The following PABPN1 variants were observed in gnomAD, a reference collection of about 807,000 sequenced individuals.
PABPN1 encodes the protein poly(A) binding protein nuclear 1.
In PABPN1, 5 loss-of-function variants were observed where a neutral mutation model predicts 33.4. The observed-to-expected ratio is 0.15, with a 90% CI of 0.08 to 0.32. The LOEUF (loss-of-function observed/expected upper bound fraction) is 0.32, where lower values mean the gene tolerates loss of function less well. PABPN1 is among the 10% of genes least tolerant of loss of function. The probability of loss-of-function intolerance (pLI) is 1.00; values close to 1 mark genes in which losing one functional copy is unlikely to be tolerated. For missense variants in PABPN1, 312 were observed against 425.8 expected (o/e 0.73, Z 2.35); for synonymous variants, 176 against 170.6 (o/e 1.03, Z -0.25).
At position 23,323,060 on chromosome 14, in the gene PABPN1, T is replaced by A; in HGVS notation, c.528T>A (p.Val176=). 1.9e-6 allele frequency: 3 copies of A among 1,614,184 alleles called. 1 individual carries two copies. The East Asian group carries it at 6.7e-5, about 36-fold the overall frequency. ...KMEADARSIY[V]GNVDYGATAE... ...AGGCTGATGCCCGTTCCATCTATGTTGGCAATGTACGTACTGGGGCTCTGA... is the reference window on the plus strand; with the variant it reads ...AGGCTGATGCCCGTTCCATCTATGTAGGCAATGTACGTACTGGGGCTCTGA... The change falls in exon 3 of 7, where the codon GTT becomes GTA. Residue 176 remains valine (V), a synonymous_variant. Coordinates refer to ENST00000216727, the MANE Select transcript of PABPN1 (RefSeq NM_004643.4).
In PABPN1 at chr14:23,325,044, G is replaced by C. The variant is rs202035473; in HGVS notation, c.882-203G>C. ...GCTTCTTTTTCGCCACTGTTTGGCA[G>C]TTTTCTGTTAAGCCCCCCTCCCCCT... On this transcript the variant is annotated intron_variant, in intron 6 of 6. Transcript: ENST00000216727. 1.2e-5 allele frequency: 6 copies of C among 503,536 alleles called. No homozygotes were observed. The South Asian group carries it at 2.2e-4, about 19-fold the overall frequency. 31.2% of individuals were successfully genotyped at this position (503,536 alleles called of 1,614,324 possible). A position where few individuals can be genotyped will look rare whatever the true frequency, so the allele number is the denominator to read the frequency against.
intron 6 of PABPN1, chr14:23,324,500 G>A (rs1888589867): frequency 1.6e-6 from 1 of 643,236 alleles, no homozygotes; most frequent in Non-Finnish European, 2.7e-6. Flanking sequence ...TGGTGATAAG[G>A]GCTGCATCCC....
intron 1 of PABPN1, 142 bp from the exon 2 acceptor site, chr14:23,322,039 A>G: frequency 1.1e-6 from 1 of 934,766 alleles, no homozygotes; most frequent in Non-Finnish European, 1.7e-6. Flanking sequence ...TAGAGAGGGT[A>G]GCTTTTCTTT....
chr14:23,323,151 G>T (rs927248169), intron 3 of PABPN1, 85 bp downstream of exon 3: 8 of 1,580,850 alleles, frequency 5.1e-6, no homozygotes, highest in Middle Eastern at 1.8e-4. Flanking sequence ...ACATCTCCGG[G>T]ATAGATGTGG....
intron 1 of PABPN1, 135 bp downstream of exon 1, chr14:23,321,955 C>G (rs1230472333): frequency 2.6e-6 from 2 of 778,514 alleles, no homozygotes; most frequent in Non-Finnish European, 4.0e-6. Flanking sequence ...CGGGTCGGGC[C>G]GGGGATGGGT....
chr14:23,324,378 C>A (rs1213589504), intron 6 of PABPN1, 89 bp downstream of exon 6: 2 of 1,309,784 alleles, frequency 1.5e-6, no homozygotes, highest in Non-Finnish European at 1.0e-6. Context: ...CTCCCTCCCC[C>A]CACCCCTCCC....
chr14:23,325,523 G>A lies in PABPN1; in HGVS notation c.*237G>A. On this transcript the variant is annotated 3_prime_UTR_variant, in exon 7 of 7. Coordinates refer to ENST00000216727, the MANE Select transcript of PABPN1 (RefSeq NM_004643.4). ...GGGCAGGGGGCTGCTTATTCACTCT[G>A]GGGATTCGCCATGGACACGTCTCAA... The A allele has an allele frequency of 1.8e-6, 1 of 559,806 alleles. No homozygotes were observed. The highest frequency in any genetic ancestry group is 3.1e-6 in the Non-Finnish European group (1 of 321,628). 34.7% of individuals were successfully genotyped at this position (559,806 alleles called of 1,614,324 possible).
chr14:23,322,320 G>A, intron 2 of PABPN1, 25 bp downstream of exon 2: 2 of 1,573,974 alleles, frequency 1.3e-6, no homozygotes, highest in Non-Finnish European at 1.7e-6. Context: ...GTTGCACGCG[G>A]AGCCCGGGTT....
chr14:23,323,323 C>G, intron 3 of PABPN1, 54 bp from the exon 4 acceptor site: 1 of 1,575,062 alleles, frequency 6.3e-7, no homozygotes, highest in Non-Finnish European at 8.7e-7. Context: ...CGGGAGGGTT[C>G]CTTTTGAGAC....
rs754022244 is a variant in PABPN1 at position 23,325,305 on chromosome 14, GGA to G, written c.*27_*28del. On this transcript the variant is annotated 3_prime_UTR_variant, in exon 7 of 7. Coordinates refer to ENST00000216727, the MANE Select transcript of PABPN1 (RefSeq NM_004643.4). ...TTACTAAAAAAAGTGTGTATTAGGA[GGA>G]GAGAGAGGAAAAAAAGAGGAAAGAA... The G allele has an allele frequency of 8.2e-6, 13 of 1,587,380 alleles. No homozygotes were observed. Among genetic ancestry groups the G allele is most frequent in the Middle Eastern group, 3.4e-4 (2 of 5,930 alleles).
chr14:23,322,902 T>G, intron 2 of PABPN1, 97 bp from the exon 3 acceptor site: 3 of 1,563,624 alleles, frequency 1.9e-6, no homozygotes, highest in Non-Finnish European at 2.6e-6. Flanking sequence ...TTGCCTTCAC[T>G]GAGCTTATGG....
At chr14:23,325,057 C>A in intron 6 of PABPN1, 190 bp from the exon 7 acceptor site, 1 of 670,430 alleles carries the variant, frequency 1.5e-6, no homozygotes, top group Non-Finnish European at 2.4e-6. Flanking sequence ...TTCTGTTAAG[C>A]CCCCCTCCCC....
chr14:23,323,017 C>G lies in PABPN1; in HGVS notation c.485C>G (p.Ser162Cys), dbSNP rs1888438614. Residue 162 changes from serine (S) to cysteine (C), a missense_variant, in exon 3 of 7, where the codon TCC (serine) becomes TGC (cysteine). Ser to Cys is a moderately radical substitution (Grantham distance 112, BLOSUM62 -1). Transcript: ENST00000216727. The part of the protein sequence containing the change: ...PPGNAGPVIM[S>C]IEEKMEADAR... The stretch of plus-strand genomic sequence containing the variant: ...CTGATAGCTGGCCCGGTGATCATGT[C>G]CATTGAGGAGAAGATGGAGGCTGAT... 4 of 1,614,076 alleles carry G rather than the reference C, an allele frequency of 2.5e-6. No individual in the cohort carries two copies. The highest frequency in any genetic ancestry group is 3.4e-6 in the Non-Finnish European group (4 of 1,180,022).
chr14:23,324,541 G>C, intron 6 of PABPN1: 4 of 589,166 alleles, frequency 6.8e-6, no homozygotes, highest in Non-Finnish European at 1.2e-5. Flanking sequence ...TCCACCCCCA[G>C]CCTTTTTTTT....
chr14:23,321,902 C>A, intron 1 of PABPN1, 82 bp downstream of exon 1: 1 of 472,764 alleles, frequency 2.1e-6, no homozygotes, highest in Non-Finnish European at 3.4e-6. Flanking sequence ...GAGCGGGTGG[C>A]AGGCGGGGGG....
In PABPN1 at chr14:23,324,063, G is replaced by A; in HGVS notation, c.729+11G>A. 6.2e-7 allele frequency: 1 copy of A among 1,614,200 alleles called. No homozygotes were observed. Reference sequence around the variant, plus strand: ...GGAAGGCAAATCAAGGTAAGCCTATGTCCATTGCTGTTCTAGTTGTGTATA... The same window carrying A: ...GGAAGGCAAATCAAGGTAAGCCTATATCCATTGCTGTTCTAGTTGTGTATA... On this transcript the variant is annotated intron_variant, in intron 5 of 6. Coordinates refer to ENST00000216727, the MANE Select transcript of PABPN1 (RefSeq NM_004643.4).
chr14:23,324,189 T>C lies in PABPN1; in HGVS notation c.781T>C (p.Phe261Leu), dbSNP rs367775939. ...AGGCATCAGCACAACAGACCGGGGT[T>C]TTCCACGAGCCCGCTACCGCGCCCG... ...RPGISTTDRG[F>L]PRARYRARTT... Residue 261 changes from phenylalanine to leucine, a missense_variant, in exon 6 of 7, where the codon TTT becomes CTT. Phe to Leu is a conservative substitution (Grantham distance 22, BLOSUM62 0). Transcript: ENST00000216727. 4.3e-6 allele frequency: 7 copies of C among 1,613,304 alleles called. No homozygotes were observed. Among genetic ancestry groups the C allele is most frequent in the Non-Finnish European group, 5.9e-6 (7 of 1,179,354 alleles).
Position 23,321,704 on chromosome 14 carries a change from G to A in PABPN1, c.235G>A (p.Ala79Thr). 1.3e-6 allele frequency: 2 copies of A among 1,536,886 alleles called. No individual in the cohort carries two copies. Among genetic ancestry groups the A allele is most frequent in the South Asian group, 1.2e-5 (1 of 83,402 alleles). Residue 79 changes from alanine (A) to threonine (T), a missense_variant, in exon 1 of 7, where the codon GCC becomes ACC. Around this residue, in one of 3 missense-constraint regions of PABPN1, gnomAD observed 167 missense variants for 168.9 expected, o/e 0.99. Coordinates refer to ENST00000216727, the MANE Select transcript of PABPN1 (RefSeq NM_004643.4). The part of the protein sequence containing the change: ...EPEEEPPRPR[A>T]PPGAPGPGPG... ...CGAAGAGGAGCCGCCCCGGCCCCGCGCCCCCCCGGGAGCTCCGGGCCCTGG... is the reference window on the plus strand; with the variant it reads ...CGAAGAGGAGCCGCCCCGGCCCCGCACCCCCCCGGGAGCTCCGGGCCCTGG...
Position 23,323,220 on chromosome 14 carries a change from A to G in PABPN1, c.534+154A>G. 3 of 1,292,248 alleles carry G rather than the reference A, an allele frequency of 2.3e-6. No homozygotes were observed. In the Admixed American group the frequency reaches 5.8e-5, roughly 25 times the overall value. 80.0% of individuals were successfully genotyped at this position (1,292,248 alleles called of 1,614,324 possible). The stretch of plus-strand genomic sequence containing the variant: ...AAAGGTAATGGAATGATCAGTAATC[A>G]GCAAAGGCTCTGGGTTTGGAAGGAA... On this transcript the variant is annotated intron_variant, in intron 3 of 6. Transcript: ENST00000216727.
Sources: allele counts gnomAD v4.1 joint callset, GRCh38; gene constraint gnomAD v4.1.1; regional missense constraint gnomAD v4.1.1; transcripts MANE v1.5; gene names NCBI Gene and HGNC (gene_info 2026-07-23, HGNC 2026-07-21).